The following ME1 variants were observed in gnomAD, a reference collection of about 807,000 sequenced individuals.
ME1 encodes the protein NADP-dependent malic enzyme.
In ME1, 74 loss-of-function variants were observed where a neutral mutation model predicts 66.4. The ratio of observed to expected loss-of-function variants is 1.11; its 90% CI spans 0.92 to 1.35. The LOEUF is 1.35. Among genes scored for constraint, ME1 ranks in the 40% most tolerant of loss-of-function variants. The pLI, the probability that ME1 is intolerant of heterozygous loss-of-function variation, is 0.00. For missense variants in ME1, 750 were observed against 694.1 expected, an observed-to-expected ratio of 1.08 and a Z score of -0.90; for synonymous variants, 251 against 235.6, an observed-to-expected ratio of 1.07 and a Z score of -0.60.
chr6:83,290,876 T>C (rs1767489377), intron 6 of ME1, among the ~76,000 whole-genome samples: 1 of 152,214 alleles, frequency 6.6e-6, no homozygotes, highest in South Asian at 2.1e-4. Flanking sequence ...CATTATGTAA[T>C]GGCCTTGTCT....
At chr6:83,234,536 T>C (rs1306154838) in intron 9 of ME1, among the ~76,000 whole-genome samples, 1 of 152,148 alleles carries the variant, frequency 6.6e-6, no homozygotes, top group Non-Finnish European at 1.5e-5. Context: ...GACTCCTTCC[T>C]CCACTCCACC....
intron 3 of ME1, among the ~76,000 whole-genome samples, chr6:83,370,785 T>C (rs1218548619): frequency 6.6e-6 from 1 of 152,092 alleles, no homozygotes; most frequent in African/African-American, 2.4e-5. Context: ...ACTTAATGTC[T>C]AGGGAATGAC....
At chr6:83,233,966 TAAC>T (rs1457307892) in intron 9 of ME1, among the ~76,000 whole-genome samples, 1 of 152,048 alleles carries the variant, frequency 6.6e-6, no homozygotes, top group African/African-American at 2.4e-5. Context: ...ATTAAATATA[TAAC>T]AACCTTTTAA....
intron 3 of ME1, among the ~76,000 whole-genome samples, chr6:83,373,026 C>T (rs1372325782): frequency 6.6e-6 from 1 of 152,108 alleles, no homozygotes; most frequent in Non-Finnish European, 1.5e-5. Context: ...CTGGCTAAAA[C>T]CTGCAGATAA....
chr6:83,240,458 A>T (rs1790490974), intron 7 of ME1, among the ~76,000 whole-genome samples: 1 of 152,150 alleles, frequency 6.6e-6, no homozygotes, highest in Non-Finnish European at 1.5e-5. Context: ...AAACTTCACC[A>T]GTTCCAATTA....
intron 6 of ME1, among the ~76,000 whole-genome samples, chr6:83,314,316 C>T (rs989548972): frequency 5.3e-5 from 8 of 152,118 alleles, no homozygotes; most frequent in African/African-American, 9.7e-5. Flanking sequence ...ACATTTTGAG[C>T]GCTGATATGA....
intron 6 of ME1, among the ~76,000 whole-genome samples, chr6:83,259,310 G>C (rs950388748): frequency 3.3e-5 from 5 of 152,096 alleles, no homozygotes; most frequent in African/African-American, 1.2e-4. Flanking sequence ...TGCTCACTGG[G>C]AAAATAGTCT....
chr6:83,298,895 T>TGA (rs1320829640), intron 6 of ME1, among the ~76,000 whole-genome samples: 2 of 148,750 alleles, frequency 1.3e-5, no homozygotes, highest in African/African-American at 4.9e-5. Context: ...GTCTTATTTC[T>TGA]GAGATCTCTA....
intron 11 of ME1, among the ~76,000 whole-genome samples, chr6:83,225,428 T>C (rs1790177083): frequency 1.3e-5 from 2 of 152,052 alleles, no homozygotes; most frequent in South Asian, 4.1e-4. Context: ...AAGGCATAGT[T>C]TAAACGATGA....
chr6:83,402,467 C>G (rs946409589), intron 2 of ME1, among the ~76,000 whole-genome samples: 1 of 152,080 alleles, frequency 6.6e-6, no homozygotes, highest in African/African-American at 2.4e-5. Flanking sequence ...AATAATAAAC[C>G]CATTGAACAG....
chr6:83,411,312 C>T (rs1276180650), intron 1 of ME1, among the ~76,000 whole-genome samples: 2 of 151,494 alleles, frequency 1.3e-5, no homozygotes, highest in Non-Finnish European at 1.5e-5. Context: ...TGCAGTGAGC[C>T]GAGATTGCGC....
At chr6:83,410,762 A>G (rs1421354825) in intron 1 of ME1, among the ~76,000 whole-genome samples, 2 of 152,190 alleles carry the variant, frequency 1.3e-5, no homozygotes, top group Non-Finnish European at 2.9e-5. Context: ...ATGCCCTTTC[A>G]TTCCCTTAAT....
chr6:83,343,866 T>C (rs1768635422), intron 5 of ME1, among the ~76,000 whole-genome samples: 1 of 152,200 alleles, frequency 6.6e-6, no homozygotes, highest in Non-Finnish European at 1.5e-5. Context: ...TTTCATATAA[T>C]ACAATCTCTC....
At chr6:83,281,189 T>G (rs1293417061) in intron 6 of ME1, among the ~76,000 whole-genome samples, 1 of 152,218 alleles carries the variant, frequency 6.6e-6, no homozygotes, top group Non-Finnish European at 1.5e-5. Flanking sequence ...TATGCAGATT[T>G]AGGAAGACTT....
At chr6:83,217,379 C>G (rs1327673670) in intron 12 of ME1, among the ~76,000 whole-genome samples, 3 of 152,126 alleles carry the variant, frequency 2.0e-5, no homozygotes, top group African/African-American at 7.2e-5. Flanking sequence ...TAATCAAATA[C>G]TTATTTTTCA....
chr6:83,415,408 T>C (rs1770141510), intron 1 of ME1, among the ~76,000 whole-genome samples: 1 of 152,188 alleles, frequency 6.6e-6, no homozygotes. Context: ...TACCTGCCAT[T>C]TTACCCAGGT....
chr6:83,242,576 G>C (rs1004926079), intron 7 of ME1, among the ~76,000 whole-genome samples: 1 of 152,078 alleles, frequency 6.6e-6, no homozygotes, highest in Non-Finnish European at 1.5e-5. Context: ...AGGACACAAT[G>C]AGTAGGAAAA....
intron 9 of ME1, among the ~76,000 whole-genome samples, chr6:83,231,168 G>A (rs1790300815): frequency 1.3e-5 from 2 of 151,792 alleles, no homozygotes; most frequent in Non-Finnish European, 2.9e-5. Flanking sequence ...CCTAGAATGG[G>A]AAACAAATAA....
In ME1 at chr6:83,218,798, G is replaced by C. The variant is rs933970472; in HGVS notation, c.1450-2202C>G. On this transcript the variant is annotated intron_variant, in intron 12 of 13. Coordinates refer to ENST00000369705, the MANE Select transcript of ME1 (RefSeq NM_002395.6). ...AAGAGGGAGGAGGTTTCTCAGAGTC[G>C]AGCCAAACATTTCCCCCCAAATTCC... 5.3e-5 allele frequency among the ~76,000 whole-genome samples: 8 copies of C among 152,130 alleles called. No homozygotes were observed. The South Asian group carries it at 1.0e-3, about 20-fold the overall frequency.
Sources: gnomAD v4.1 joint callset for allele counts (sites outside exome capture counted in the v4.1 genomes callset) on GRCh38, gnomAD v4.1.1 for gene constraint, MANE v1.5 for transcripts, NCBI Gene and HGNC (gene_info 2026-07-23, HGNC 2026-07-21) for gene names.